TMTC3: variants seen among roughly 807,000 people sequenced by gnomAD.
TMTC3 encodes the protein protein O-mannosyl-transferase TMTC3.
Under a neutral mutation model 92.2 loss-of-function variants are expected in TMTC3, and 52 were observed. The ratio of observed to expected loss-of-function variants is 0.56; its 90% CI spans 0.45 to 0.71. The LOEUF (loss-of-function observed/expected upper bound fraction) is 0.71, where lower values mean the gene tolerates loss of function less well. Ranked by LOEUF, TMTC3 falls within the 30% of genes least tolerant of loss-of-function variation. The pLI, the probability that TMTC3 is intolerant of heterozygous loss-of-function variation, is 0.00. For missense variants in TMTC3, 896 were observed against 1,057.1 expected (o/e 0.85, Z 2.11); for synonymous variants, 339 against 363.3 (o/e 0.93, Z 0.76).
intron 7 of TMTC3, among the ~76,000 whole-genome samples, chr12:88,167,796 T>A (rs1432443521): frequency 6.6e-6 from 1 of 152,216 alleles, no homozygotes; most frequent in East Asian, 1.9e-4. Context: ...ACTTTATGTC[T>A]GGAGTTCATA....
At position 88,166,365 on chromosome 12, in the gene TMTC3, C is replaced by T. The variant is rs150884457; in HGVS notation, c.833C>T (p.Thr278Ile). The part of the protein sequence containing the change: ...DNPAAVSPTP[T>I]RQLTFNYLLP... ...CCAGCTGCTGTAAGCCCAACTCCTA[C>T]AAGGCAACTAACTTTTAACTACCTC... The change falls in exon 7 of 14, where the codon ACA becomes ATA. Residue 278 changes from threonine to isoleucine, a missense_variant. Thr to Ile is a moderately conservative substitution (Grantham distance 89). Transcript: ENST00000266712. 3.1e-6 allele frequency: 5 copies of T among 1,613,712 alleles called. No homozygotes were observed. In the African/African-American group the frequency reaches 5.3e-5, roughly 17 times the overall value.
At chr12:88,158,133 G>A (rs1273891112) in intron 4 of TMTC3, among the ~76,000 whole-genome samples, 1 of 152,132 alleles carries the variant, frequency 6.6e-6, no homozygotes, top group Non-Finnish European at 1.5e-5. Flanking sequence ...TCCATAGAGT[G>A]ATTTTAAGAT....
At chr12:88,177,094 G>A (rs2041267743) in intron 10 of TMTC3, among the ~76,000 whole-genome samples, 1 of 152,112 alleles carries the variant, frequency 6.6e-6, no homozygotes, top group African/African-American at 2.4e-5. Flanking sequence ...GGGAGGCCAA[G>A]GTGGGCAGAT....
rs755960620 is a variant in TMTC3 at position 88,195,092 on chromosome 12, A to G, written c.2188A>G (p.Arg730Gly). 1.5e-5 allele frequency: 24 copies of G among 1,613,744 alleles called. 2 individuals carry two copies. In the South Asian group the frequency reaches 2.0e-4, roughly 13 times the overall value. The change falls in exon 14 of 14, where the codon AGA becomes GGA. Residue 730 changes from arginine (R) to glycine (G), a missense_variant. Coordinates refer to ENST00000266712, the MANE Select transcript of TMTC3 (RefSeq NM_181783.4). ...TTTGCCAATTTTGGAGGAGTTACTCAGATACTACCCTGATCATATCAAGGG... is the reference window on the plus strand; with the variant it reads ...TTTGCCAATTTTGGAGGAGTTACTCGGATACTACCCTGATCATATCAAGGG... Reference protein sequence around the residue: ...KALPILEELLRYYPDHIKGLI... With the variant: ...KALPILEELLGYYPDHIKGLI...
intron 7 of TMTC3, 49 bp downstream of exon 7, chr12:88,166,631 A>C: frequency 6.4e-7 from 1 of 1,558,530 alleles, no homozygotes. Context: ...TCAGTTGAAT[A>C]AGTAAGAAAC....
chr12:88,184,752 TAAAC>T (rs1019201195), intron 10 of TMTC3, among the ~76,000 whole-genome samples: 103 of 151,940 alleles, frequency 6.8e-4, no homozygotes, highest in African/African-American at 2.3e-3. Context: ...TAAACATAAG[TAAAC>T]AAATACACAC....
intron 9 of TMTC3, among the ~76,000 whole-genome samples, chr12:88,175,718 G>T (rs1456589799): frequency 6.6e-6 from 1 of 152,158 alleles, no homozygotes; most frequent in Non-Finnish European, 1.5e-5. Flanking sequence ...CCTTGGCTAG[G>T]TGTCATCTAT....
chr12:88,182,955 G>A (rs777598038), intron 10 of TMTC3, among the ~76,000 whole-genome samples: 5 of 152,254 alleles, frequency 3.3e-5, no homozygotes, highest in Middle Eastern at 6.8e-3. Context: ...GAATCGCCAC[G>A]GGGGAAGGGA....
chr12:88,159,236 A>C (rs1034633135), intron 4 of TMTC3, among the ~76,000 whole-genome samples: 5 of 152,212 alleles, frequency 3.3e-5, no homozygotes, highest in Non-Finnish European at 7.3e-5. Flanking sequence ...ATTACTCTTT[A>C]GTCAAATTAC....
chr12:88,153,641 T>A, intron 3 of TMTC3, 132 bp downstream of exon 3: 1 of 533,274 alleles, frequency 1.9e-6, no homozygotes, highest in Non-Finnish European at 3.2e-6. Flanking sequence ...TGAAGACTCT[T>A]AAATTCGTAC....
chr12:88,188,231 T>G (rs1005237912), intron 10 of TMTC3, among the ~76,000 whole-genome samples: 29 of 152,204 alleles, frequency 1.9e-4, no homozygotes, highest in African/African-American at 7.0e-4. Context: ...TGGCAAAGTT[T>G]TTTTTCAGTC....
In TMTC3 at chr12:88,148,496, A is replaced by G. The variant is rs2040902679; in HGVS notation, c.181A>G (p.Met61Val). 7 of 1,602,030 alleles carry G rather than the reference A, an allele frequency of 4.4e-6. No homozygotes were observed. The highest frequency in any genetic ancestry group is 1.3e-5 in the African/African-American group (1 of 74,438). Residue 61 changes from methionine (M) to valine (V), a missense_variant, in exon 2 of 14, where the codon ATG becomes GTG. By Grantham distance (21) the Met-to-Val change is conservative. Coordinates refer to ENST00000266712, the MANE Select transcript of TMTC3 (RefSeq NM_181783.4). The stretch of plus-strand genomic sequence containing the variant: ...TCAAAATGACTTCTGGGGAACCCCT[A>G]TGTCTGAGGTAAGTAATTACTTACA... ...LFQNDFWGTP[M>V]SEERSHKSYR...
chr12:88,157,350 G>T (rs1310155533), intron 4 of TMTC3, among the ~76,000 whole-genome samples: 1 of 150,846 alleles, frequency 6.6e-6, no homozygotes, highest in Admixed American at 6.6e-5. Context: ...CTGTGCAAAG[G>T]TTTTCAAGTT....
At chr12:88,160,259 C>T in intron 5 of TMTC3, 30 bp downstream of exon 5, 1 of 1,267,708 alleles carries the variant, frequency 7.9e-7, no homozygotes, top group Non-Finnish European at 1.1e-6. Flanking sequence ...TATAAATTTT[C>T]TTATTGATAT....
chr12:88,144,824 A>T (rs1337412579), intron 1 of TMTC3, among the ~76,000 whole-genome samples: 1 of 152,190 alleles, frequency 6.6e-6, no homozygotes, highest in African/African-American at 2.4e-5. Context: ...AGGAAATTTA[A>T]CTCAGGTTCT....
At chr12:88,151,533 T>A (rs976176967) in intron 2 of TMTC3, among the ~76,000 whole-genome samples, 5 of 152,208 alleles carry the variant, frequency 3.3e-5, no homozygotes, top group Admixed American at 6.5e-5. Flanking sequence ...GATGATGATT[T>A]GTCACAGTGG....
rs1399997071 is a variant in TMTC3 at position 88,153,759 on chromosome 12, CTG to C, written c.408+252_408+253del. On this transcript the variant is annotated intron_variant, in intron 3 of 13. Transcript: ENST00000266712. ...CATTTTTCATTCAATAATATAAAAT[CTG>C]TTTAGAAATATATACATGAATACAG... Among the ~76,000 whole-genome samples, 8 of 151,888 alleles carry C rather than the reference CTG, an allele frequency of 5.3e-5. No homozygotes were observed. In the Middle Eastern group the frequency reaches 0.017, roughly 323 times the overall value.
At chr12:88,167,722 A>G (rs1343451510) in intron 7 of TMTC3, among the ~76,000 whole-genome samples, 1 of 152,184 alleles carries the variant, frequency 6.6e-6, no homozygotes, top group Non-Finnish European at 1.5e-5. Flanking sequence ...TGTGTTGTCT[A>G]TTATCCTTGA....
chr12:88,173,060 G>A, intron 8 of TMTC3: 4 of 1,308,592 alleles, frequency 3.1e-6, no homozygotes, highest in Non-Finnish European at 4.0e-6. Flanking sequence ...TCCATATTCA[G>A]TGAACTAAGA....
Sources: gnomAD v4.1 joint callset for allele counts (sites outside exome capture counted in the v4.1 genomes callset) on GRCh38, gnomAD v4.1.1 for gene constraint, MANE v1.5 for transcripts, NCBI Gene and HGNC (gene_info 2026-07-23, HGNC 2026-07-21) for gene names.